LPXN: variants seen among roughly 807,000 people sequenced by gnomAD.
The protein encoded by LPXN is leupaxin.
Under a neutral mutation model 45.6 loss-of-function variants are expected in LPXN, and 28 were observed. That is an observed-to-expected ratio of 0.61 (90% confidence interval 0.45 to 0.84). The LOEUF (loss-of-function observed/expected upper bound fraction) is 0.84. LPXN is among the 40% of genes least tolerant of loss of function. The pLI, the probability that LPXN is intolerant of heterozygous loss-of-function variation, is 0.00. For missense variants in LPXN, 459 were observed against 475.0 expected, an observed-to-expected ratio of 0.97 and a Z score of 0.31; for synonymous variants, 166 against 169.9, an observed-to-expected ratio of 0.98 and a Z score of 0.18.
upstream of LPXN, among the ~76,000 whole-genome samples, chr11:58,576,840 A>G (rs1406515214): frequency 6.6e-6 from 1 of 152,182 alleles, no homozygotes; most frequent in East Asian, 1.9e-4. Context: ...GTACTATCAT[A>G]GTTCAGTGTA....
intron 7 of LPXN, among the ~76,000 whole-genome samples, chr11:58,541,775 G>A (rs1362229078): frequency 6.6e-6 from 1 of 151,550 alleles, no homozygotes; most frequent in Non-Finnish European, 1.5e-5. Flanking sequence ...CAATAGCAAA[G>A]ACTTGGAACC....
In LPXN at chr11:58,527,377, C is replaced by T; in HGVS notation, c.*77G>A. The T allele has an allele frequency of 6.7e-7, 1 of 1,489,340 alleles. No individual in the cohort carries two copies. Among genetic ancestry groups the T allele is most frequent in the African/African-American group, 1.4e-5 (1 of 72,148 alleles). 92.3% of individuals were successfully genotyped at this position (1,489,340 alleles called of 1,614,324 possible). On this transcript the variant is annotated 3_prime_UTR_variant, in exon 9 of 9. Transcript: ENST00000395074. ...AGACTATTAAGCAGAAGGTCAGTAACAGAAAATTTACCCTTTCCTCTCCTC... is the reference window on the plus strand; with the variant it reads ...AGACTATTAAGCAGAAGGTCAGTAATAGAAAATTTACCCTTTCCTCTCCTC...
chr11:58,574,916 C>T (rs1854833809), intron 1 of LPXN, among the ~76,000 whole-genome samples: 1 of 152,106 alleles, frequency 6.6e-6, no homozygotes, highest in Admixed American at 6.6e-5. Flanking sequence ...CATACCCTAT[C>T]CCCAAACACA....
chr11:58,571,765 G>A (rs1854709331), intron 1 of LPXN, among the ~76,000 whole-genome samples: 2 of 151,984 alleles, frequency 1.3e-5, no homozygotes, highest in South Asian at 4.2e-4. Context: ...CTGTGCTCAG[G>A]AGTTTACACA....
At chr11:58,562,063 C>A (rs1273126319) in intron 3 of LPXN, among the ~76,000 whole-genome samples, 2 of 152,172 alleles carry the variant, frequency 1.3e-5, no homozygotes, top group Non-Finnish European at 2.9e-5. Context: ...AGAATCCAGA[C>A]TTAAGCAAGG....
intron 7 of LPXN, among the ~76,000 whole-genome samples, chr11:58,534,155 A>G (rs576878518): frequency 1.1e-3 from 163 of 152,354 alleles, no homozygotes; most frequent in African/African-American, 3.6e-3. Context: ...ACTTGAACTC[A>G]GCTCTTGGCC....
At chr11:58,529,604 T>A (rs537447399) in intron 7 of LPXN, among the ~76,000 whole-genome samples, 55 of 127,746 alleles carry the variant, frequency 4.3e-4, no homozygotes, top group African/African-American at 1.6e-3. Context: ...TGAGACTCTG[T>A]CTCAAAAAAA....
At chr11:58,549,184 A>G (rs893863878) in intron 7 of LPXN, among the ~76,000 whole-genome samples, 1 of 152,218 alleles carries the variant, frequency 6.6e-6, no homozygotes, top group Admixed American at 6.5e-5. Flanking sequence ...TCACGAGGTC[A>G]GGAGTTCAAG....
At chr11:58,548,756 A>G (rs1053253467) in intron 7 of LPXN, among the ~76,000 whole-genome samples, 1 of 152,208 alleles carries the variant, frequency 6.6e-6, no homozygotes, top group African/African-American at 2.4e-5. Flanking sequence ...TTTACTGATG[A>G]GGAAAGTAAG....
At chr11:58,541,360 C>T (rs1338811645) in intron 7 of LPXN, among the ~76,000 whole-genome samples, 1 of 152,064 alleles carries the variant, frequency 6.6e-6, no homozygotes, top group Non-Finnish European at 1.5e-5. Context: ...ACAAACAACC[C>T]CATCAAAAAG....
intron 7 of LPXN, among the ~76,000 whole-genome samples, chr11:58,534,806 T>C (rs1853499987): frequency 6.6e-6 from 1 of 151,442 alleles, no homozygotes; most frequent in African/African-American, 2.4e-5. Context: ...GAGAGAAGAA[T>C]CAAATAGACA....
chr11:58,564,658 G>T (rs1020275598), intron 2 of LPXN, among the ~76,000 whole-genome samples: 5 of 152,184 alleles, frequency 3.3e-5, no homozygotes, highest in Admixed American at 1.3e-4. Flanking sequence ...TTGAGGGCCT[G>T]TCATGTGCCA....
chr11:58,533,617 T>G (rs957423860), intron 7 of LPXN, among the ~76,000 whole-genome samples: 4 of 152,192 alleles, frequency 2.6e-5, no homozygotes, highest in African/African-American at 7.2e-5. Context: ...TTCATAACAG[T>G]TCTTCAAAAT....
At chr11:58,554,066 C>T (rs1425814326) in intron 4 of LPXN, 1 of 152,630 alleles carries the variant, frequency 6.6e-6, no homozygotes, top group African/African-American at 2.4e-5. Context: ...AATCCCAGCA[C>T]TTTGGGAGGC....
chr11:58,540,668 A>C (rs941200575), intron 7 of LPXN, among the ~76,000 whole-genome samples: 6 of 152,184 alleles, frequency 3.9e-5, no homozygotes, highest in Admixed American at 6.5e-5. Context: ...CTATAATAAA[A>C]ACATTTAAAA....
At chr11:58,562,142 G>A (rs946566050) in intron 3 of LPXN, among the ~76,000 whole-genome samples, 1 of 151,942 alleles carries the variant, frequency 6.6e-6, no homozygotes, top group East Asian at 1.9e-4. Flanking sequence ...TATTCCTCTC[G>A]ATTATTACCA....
intron 7 of LPXN, among the ~76,000 whole-genome samples, chr11:58,538,176 T>C (rs1456460149): frequency 6.6e-6 from 1 of 152,176 alleles, no homozygotes; most frequent in Non-Finnish European, 1.5e-5. Context: ...CTATCACTGA[T>C]GGACATTTGG....
Position 58,530,054 on chromosome 11 carries a change from T to G in LPXN, c.743-1863A>C, listed in dbSNP as rs540129236. ...CTTCACAAACCGCAGACCTGGAGAT[T>G]CCCTCTTGTGCCTACGCCACCAGGG... On this transcript the variant is annotated intron_variant, in intron 7 of 8. Transcript: ENST00000395074. 4.5e-4 allele frequency among the ~76,000 whole-genome samples: 68 copies of G among 152,322 alleles called. 3 individuals carry two copies. The South Asian group carries it at 0.014, about 31-fold the overall frequency.
chr11:58,570,984 C>T (rs1854677846), intron 1 of LPXN, among the ~76,000 whole-genome samples: 1 of 152,060 alleles, frequency 6.6e-6, no homozygotes, highest in South Asian at 2.1e-4. Context: ...ATTTTTTATA[C>T]CACAGGTATT....
Sources: gnomAD v4.1 joint callset for allele counts (sites outside exome capture counted in the v4.1 genomes callset) on GRCh38, gnomAD v4.1.1 for gene constraint, MANE v1.5 for transcripts, NCBI Gene and HGNC (gene_info 2026-07-23, HGNC 2026-07-21) for gene names.